The following PLEKHA5 variants were observed in gnomAD, a reference collection of about 807,000 sequenced individuals.
The protein encoded by PLEKHA5 is pleckstrin homology domain-containing family A member 5.
In PLEKHA5, 55 loss-of-function variants were observed where a neutral mutation model predicts 181.9. The ratio of observed to expected loss-of-function variants is 0.30; its 90% CI spans 0.24 to 0.38. PLEKHA5 has a LOEUF of 0.38. Ranked by LOEUF, PLEKHA5 falls within the 10% of genes least tolerant of loss-of-function variation. PLEKHA5 has a pLI of 1.00. For missense variants in PLEKHA5, 1,432 were observed against 1,549.5 expected (o/e 0.92, Z 1.27); for synonymous variants, 535 against 529.4 (o/e 1.01, Z -0.15).
chr12:19,129,879 T>C lies in PLEKHA5; in HGVS notation c.80T>C (p.Phe27Ser). The C allele has an allele frequency of 6.2e-7, 1 of 1,602,120 alleles. No homozygotes were observed. Among genetic ancestry groups the C allele is most frequent in the Non-Finnish European group, 8.5e-7 (1 of 1,174,916 alleles). The change falls in exon 1 of 32, where the codon TTC becomes TCC. Residue 27 changes from phenylalanine (F) to serine (S), a missense_variant. By Grantham distance (155) the Phe-to-Ser change is radical. This residue lies in a region of PLEKHA5 where 289 missense variants were observed against 381.1 expected (regional missense o/e 0.76). Coordinates refer to ENST00000429027, the MANE Select transcript of PLEKHA5 (RefSeq NM_001256470.2). ...TYGITRGGRVFFINEEAKSTT... is the reference protein window; with the variant it reads ...TYGITRGGRVSFINEEAKSTT... Reference sequence around the variant, plus strand: ...GGGATCACCAGGGGCGGCCGAGTCTTCTTCATCAAGTAAAGAGCCGGGGAC... The same window carrying C: ...GGGATCACCAGGGGCGGCCGAGTCTCCTTCATCAAGTAAAGAGCCGGGGAC...
Position 19,322,529 on chromosome 12 carries a change from G to A in PLEKHA5, c.2310G>A (p.Glu770=). 1.2e-6 allele frequency: 2 copies of A among 1,613,900 alleles called. No individual in the cohort carries two copies. Among genetic ancestry groups the A allele is most frequent in the Non-Finnish European group, 1.7e-6 (2 of 1,179,830 alleles). ...TTTTATCATAATAGTACACGCTTGAGCAAGCTTTGCTATCAGCCAGCCAAG... is the reference window on the plus strand; with the variant it reads ...TTTTATCATAATAGTACACGCTTGAACAAGCTTTGCTATCAGCCAGCCAAG... ...QQLHKEKYTL[E]QALLSASQEI... The change falls in exon 20 of 32, where the codon GAG becomes GAA. Residue 770 remains glutamate, a synonymous_variant. Transcript: ENST00000429027.
chr12:19,177,821 TC>T (rs2047671985), intron 3 of PLEKHA5, among the ~76,000 whole-genome samples: 1 of 152,230 alleles, frequency 6.6e-6, no homozygotes. Context: ...AGAGGTGATT[TC>T]CCTACTCAAA....
chr12:19,356,113 C>T (rs898392038), intron 26 of PLEKHA5, among the ~76,000 whole-genome samples: 1 of 151,224 alleles, frequency 6.6e-6, no homozygotes, highest in African/African-American at 2.4e-5. Flanking sequence ...CGCAGTGAGT[C>T]GAGATTGTAC....
chr12:19,361,909 A>T (rs1018810586), intron 29 of PLEKHA5, among the ~76,000 whole-genome samples: 46 of 152,096 alleles, frequency 3.0e-4, no homozygotes, highest in African/African-American at 1.1e-3. Flanking sequence ...ACTGGTGCAC[A>T]TCTATAATTC....
intron 3 of PLEKHA5, among the ~76,000 whole-genome samples, chr12:19,251,221 A>G (rs1293128072): frequency 6.6e-6 from 1 of 152,046 alleles, no homozygotes; most frequent in African/African-American, 2.4e-5. Flanking sequence ...CCTGGCCAAC[A>G]TGGCAAAACC....
intron 10 of PLEKHA5, among the ~76,000 whole-genome samples, chr12:19,272,208 C>T (rs1280746973): frequency 4.6e-5 from 7 of 152,080 alleles, no homozygotes; most frequent in Admixed American, 4.6e-4. Flanking sequence ...GAATAATTTT[C>T]ATCTCTAAGC....
Position 19,349,754 on chromosome 12 carries a change from A to G in PLEKHA5, c.3019+1235A>G, listed in dbSNP as rs531655730. ...AACCAGAAACAGAAAAAAAAAAAAA[A>G]CTCTCCCAAGAAATGGAAACTCTAC... On this transcript the variant is annotated intron_variant, in intron 25 of 31. Transcript: ENST00000429027. Among the ~76,000 whole-genome samples the G allele has an allele frequency of 1.0e-3, 152 of 150,230 alleles. 3 individuals are homozygous for G. In the South Asian group the frequency reaches 0.032, roughly 32 times the overall value.
intron 26 of PLEKHA5, among the ~76,000 whole-genome samples, chr12:19,356,118 T>C (rs1023234476): frequency 6.6e-6 from 1 of 151,398 alleles, no homozygotes; most frequent in Non-Finnish European, 1.5e-5. Context: ...TGAGTCGAGA[T>C]TGTACCACTG....
chr12:19,356,919 A>G (rs2094964515), intron 26 of PLEKHA5, among the ~76,000 whole-genome samples: 1 of 152,034 alleles, frequency 6.6e-6, no homozygotes, highest in Non-Finnish European at 1.5e-5. Context: ...TCGGCCTTCC[A>G]AAGTGTTGGG....
At chr12:19,238,588 G>A (rs1466579588) in intron 3 of PLEKHA5, among the ~76,000 whole-genome samples, 6 of 151,876 alleles carry the variant, frequency 4.0e-5, no homozygotes, top group African/African-American at 1.5e-4. Context: ...TCTTGAATCC[G>A]CTGAAAATGT....
At chr12:19,245,552 A>AC (rs1200358469) in intron 3 of PLEKHA5, among the ~76,000 whole-genome samples, 87 of 151,852 alleles carry the variant, frequency 5.7e-4, no homozygotes, top group African/African-American at 2.0e-3. Flanking sequence ...ATATGGTGAA[A>AC]CCCCGTCTCT....
At chr12:19,164,964 C>T (rs2043953167) in intron 3 of PLEKHA5, among the ~76,000 whole-genome samples, 1 of 152,052 alleles carries the variant, frequency 6.6e-6, no homozygotes, top group Non-Finnish European at 1.5e-5. Flanking sequence ...CCTCTGTTTT[C>T]CCTCTATTTT....
At chr12:19,196,976 A>G (rs2052948683) in intron 3 of PLEKHA5, among the ~76,000 whole-genome samples, 1 of 152,092 alleles carries the variant, frequency 6.6e-6, no homozygotes, top group Admixed American at 6.6e-5. Context: ...GAATTTAGTT[A>G]AATCCCAAGA....
chr12:19,225,352 A>T (rs919215694), intron 3 of PLEKHA5, among the ~76,000 whole-genome samples: 1 of 152,150 alleles, frequency 6.6e-6, no homozygotes, highest in African/African-American at 2.4e-5. Flanking sequence ...TGCTTACTAC[A>T]TCTAAAACAT....
At chr12:19,335,700 C>T (rs1239922552) in intron 20 of PLEKHA5, among the ~76,000 whole-genome samples, 2 of 151,326 alleles carry the variant, frequency 1.3e-5, no homozygotes, top group Admixed American at 6.6e-5. Flanking sequence ...GGCGCAATCT[C>T]GGCTCACTGC....
intron 3 of PLEKHA5, among the ~76,000 whole-genome samples, chr12:19,135,982 C>A (rs527551533): frequency 6.7e-6 from 1 of 150,294 alleles, no homozygotes; most frequent in Non-Finnish European, 1.5e-5. Flanking sequence ...TGGGCTTAAG[C>A]GATCCTCCCA....
intron 20 of PLEKHA5, among the ~76,000 whole-genome samples, chr12:19,334,970 AT>A (rs1248774223): frequency 9.2e-5 from 7 of 75,866 alleles, no homozygotes; most frequent in South Asian, 1.0e-3. Flanking sequence ...TTCACCTAAG[AT>A]TTTTTTTTTA....
chr12:19,208,862 A>T (rs536546570), intron 3 of PLEKHA5, among the ~76,000 whole-genome samples: 19 of 152,274 alleles, frequency 1.2e-4, no homozygotes, highest in Non-Finnish European at 2.4e-4. Flanking sequence ...GAATGGAGAT[A>T]GATTGAGTTT....
intron 26 of PLEKHA5, among the ~76,000 whole-genome samples, chr12:19,354,277 G>A (rs1280770794): frequency 4.6e-5 from 6 of 131,164 alleles, no homozygotes; most frequent in Middle Eastern, 5.0e-3. Context: ...TTAGCCTCCG[G>A]AGTAGCTGGG....
Sources: gnomAD v4.1 joint callset for allele counts (sites outside exome capture counted in the v4.1 genomes callset) on GRCh38, gnomAD v4.1.1 for gene constraint, gnomAD v4.1.1 regional missense constraint, MANE v1.5 for transcripts, NCBI Gene and HGNC (gene_info 2026-07-23, HGNC 2026-07-21) for gene names.